Variants in CEMIP2 observed in about 807,000 individuals in gnomAD.
CEMIP2 encodes the protein cell migration inducing hyaluronidase 2.
Under a neutral mutation model 146.9 loss-of-function variants are expected in CEMIP2, and 79 were observed. The observed-to-expected ratio is 0.54, with a 90% CI of 0.45 to 0.65. The LOEUF is 0.65. CEMIP2 is among the 30% of genes least tolerant of loss of function. The pLI is 0.00. For missense variants in CEMIP2, 1,596 were observed against 1,696.2 expected (o/e 0.94, Z 1.04); for synonymous variants, 601 against 606.3 (o/e 0.99, Z 0.13).
At chr9:71,708,164 C>T (rs536086752) in intron 17 of CEMIP2, among the ~76,000 whole-genome samples, 316 of 152,182 alleles carry the variant, frequency 2.1e-3, no homozygotes, top group African/African-American at 7.1e-3. Context: ...CCAGCCTGGG[C>T]GACAGAGCAA....
At chr9:71,750,570 T>C (rs374629294) in intron 1 of CEMIP2, among the ~76,000 whole-genome samples, 185 bp from the exon 2 acceptor site, 10 of 151,638 alleles carry the variant, frequency 6.6e-5, no homozygotes, top group African/African-American at 2.4e-4. Flanking sequence ...GCCTCCCGAG[T>C]AGCTGGGATT....
At chr9:71,698,489 G>A (rs1210308290) in intron 19 of CEMIP2, among the ~76,000 whole-genome samples, 1 of 152,208 alleles carries the variant, frequency 6.6e-6, no homozygotes, top group African/African-American at 2.4e-5. Context: ...AATTTGGGGG[G>A]ATGAAATTTG....
chr9:71,729,646 A>G (rs1823556780), intron 10 of CEMIP2, among the ~76,000 whole-genome samples, 199 bp downstream of exon 10: 1 of 151,932 alleles, frequency 6.6e-6, no homozygotes. Flanking sequence ...TACAAAAAAG[A>G]TACTAACGGG....
chr9:71,752,784 A>G (rs1407670253), intron 1 of CEMIP2, among the ~76,000 whole-genome samples: 1 of 152,140 alleles, frequency 6.6e-6, no homozygotes, highest in Non-Finnish European at 1.5e-5. Context: ...GAAGCCACAA[A>G]CAAGCAATTC....
chr9:71,725,760 A>G, intron 10 of CEMIP2, 51 bp from the exon 11 acceptor site: 4 of 1,556,042 alleles, frequency 2.6e-6, no homozygotes, highest in Non-Finnish European at 3.5e-6. Context: ...ACAGATATCT[A>G]TGAAACACTC....
chr9:71,740,863 C>A (rs569480191), intron 4 of CEMIP2, among the ~76,000 whole-genome samples: 1 of 152,132 alleles, frequency 6.6e-6, no homozygotes, highest in South Asian at 2.1e-4. Context: ...AACTTCAGTA[C>A]GCATCAGGAT....
Position 71,690,023 on chromosome 9 carries a change from CA to C in CEMIP2, c.3851+68del. On this transcript the variant is annotated intron_variant, in intron 22 of 23. Transcript: ENST00000377044. ...GAGTAAAAAATCGGACTTGACCAGG[CA>C]TTATCAGTTTGGAGCACTCCACATC... 1.9e-6 allele frequency: 3 copies of C among 1,565,120 alleles called. No homozygotes were observed. In the South Asian group the frequency reaches 3.5e-5, roughly 18 times the overall value.
chr9:71,760,239 C>T (rs779084570), intron 1 of CEMIP2, among the ~76,000 whole-genome samples: 3 of 152,090 alleles, frequency 2.0e-5, no homozygotes, highest in Non-Finnish European at 4.4e-5. Context: ...TAAGAAATGC[C>T]TATGGTCTGT....
intron 18 of CEMIP2, among the ~76,000 whole-genome samples, chr9:71,702,302 A>G (rs1276592134): frequency 1.3e-5 from 2 of 151,488 alleles, no homozygotes; most frequent in African/African-American, 4.9e-5. Context: ...TAGGTTTTCA[A>G]GTGAAAAAAA....
At position 71,745,371 on chromosome 9, in the gene CEMIP2, G is replaced by T. The variant is rs202203910; in HGVS notation, c.681C>A (p.Gly227=). Residue 227 remains glycine (G), a synonymous_variant, in exon 4 of 24, where the codon GGC becomes GGA. Transcript: ENST00000377044. ...GTGCCCCATGTAACTCCAGTGTCCCGCCAGCTTCCACACCAATAAACTTTT... is the reference window on the plus strand; with the variant it reads ...GTGCCCCATGTAACTCCAGTGTCCCTCCAGCTTCCACACCAATAAACTTTT... ...FGKKFIGVEA[G]GTLELHGARK... 2.5e-4 allele frequency: 406 copies of T among 1,613,960 alleles called. No homozygotes were observed. The highest frequency in any genetic ancestry group is 1.8e-3 in the Middle Eastern group (11 of 6,062).
chr9:71,742,228 C>T (rs999104360), intron 4 of CEMIP2, among the ~76,000 whole-genome samples: 9 of 152,126 alleles, frequency 5.9e-5, no homozygotes, highest in Middle Eastern at 3.2e-3. Context: ...ACTCTTTGGA[C>T]GACAATGCTT....
chr9:71,711,970 T>A (rs1822918457), intron 16 of CEMIP2, 113 bp downstream of exon 16: 1 of 1,147,608 alleles, frequency 8.7e-7, no homozygotes, highest in African/African-American at 1.5e-5. Context: ...TGTGTATGTC[T>A]CCTCCCACTC....
intron 22 of CEMIP2, 142 bp downstream of exon 22, chr9:71,689,950 G>A (rs1308002492): frequency 3.0e-6 from 3 of 996,880 alleles, no homozygotes; most frequent in Non-Finnish European, 2.9e-6. Context: ...GCGTCAATCT[G>A]AGGTAGGAGA....
chr9:71,750,302 T>C lies in CEMIP2; in HGVS notation c.72A>G (p.Pro24=). The C allele has an allele frequency of 6.2e-7, 1 of 1,614,056 alleles. No homozygotes were observed. Among genetic ancestry groups the C allele is most frequent in the Non-Finnish European group, 8.5e-7 (1 of 1,180,004 alleles). ...CAACCTTCCCTGGAACATAGCCAGA[T>C]GGGTGACGACTATTTCCATTCTGAG... ...LQPQNGNSRH[P]SGYVPGKVVP... Residue 24 remains proline (P), a synonymous_variant, in exon 2 of 24, where the codon CCA becomes CCG. Coordinates refer to ENST00000377044, the MANE Select transcript of CEMIP2 (RefSeq NM_013390.3).
intron 22 of CEMIP2, among the ~76,000 whole-genome samples, chr9:71,688,839 C>A (rs570684158): frequency 6.6e-6 from 1 of 152,290 alleles, no homozygotes; most frequent in Admixed American, 6.5e-5. Flanking sequence ...CACATAGACA[C>A]GTGCTCAGTC....
At chr9:71,707,516 C>T (rs372938441) in intron 17 of CEMIP2, among the ~76,000 whole-genome samples, 250 of 152,208 alleles carry the variant, frequency 1.6e-3, no homozygotes, top group African/African-American at 5.9e-3. Flanking sequence ...AAATCACCTG[C>T]TTTAATTGTC....
At chr9:71,738,219 T>C (rs1451825600) in intron 5 of CEMIP2, among the ~76,000 whole-genome samples, 1 of 152,172 alleles carries the variant, frequency 6.6e-6, no homozygotes, top group East Asian at 1.9e-4. Flanking sequence ...AAACATTCTT[T>C]TTTTCATATA....
intron 2 of CEMIP2, among the ~76,000 whole-genome samples, chr9:71,747,324 A>G (rs117957891): frequency 6.6e-6 from 1 of 152,330 alleles, no homozygotes; most frequent in East Asian, 1.9e-4. Flanking sequence ...GGGAAAAAAC[A>G]CCAAGTATGA....
intron 4 of CEMIP2, among the ~76,000 whole-genome samples, chr9:71,742,450 G>C (rs983769104): frequency 2.6e-5 from 4 of 152,094 alleles, no homozygotes; most frequent in Non-Finnish European, 4.4e-5. Flanking sequence ...CCACTTGAGG[G>C]AAAATTTCAG....
Sources: allele counts gnomAD v4.1 joint callset (sites outside exome capture counted in the v4.1 genomes callset), GRCh38; gene constraint gnomAD v4.1.1; transcripts MANE v1.5; gene names NCBI Gene and HGNC (gene_info 2026-07-23, HGNC 2026-07-21).